Variants in SPRING1 observed in about 807,000 individuals in gnomAD.
The protein encoded by SPRING1 is SREBF pathway regulator in golgi 1, also known as SREBP regulating gene protein.
A neutral mutation model predicts 24.7 loss-of-function variants in SPRING1; 14 were observed. That is an observed-to-expected ratio of 0.57 (90% CI 0.37 to 0.88). SPRING1 has a LOEUF of 0.88. SPRING1 is among the 40% of genes least tolerant of loss of function. The pLI is 0.00. For missense variants in SPRING1, 255 were observed against 268.4 expected (o/e 0.95, Z 0.35); for synonymous variants, 93 against 106.1 (o/e 0.88, Z 0.76).
chr12:116,727,538 C>T (rs1217679458), intron 1 of SPRING1, among the ~76,000 whole-genome samples: 2 of 151,906 alleles, frequency 1.3e-5, no homozygotes, highest in Non-Finnish European at 2.9e-5. Context: ...CAGTAAAGCA[C>T]GGAAACATAA....
intron 1 of SPRING1, among the ~76,000 whole-genome samples, chr12:116,724,057 C>T (rs894264930): frequency 3.3e-5 from 5 of 151,980 alleles, no homozygotes; most frequent in African/African-American, 4.8e-5. Context: ...GAGCTTGAGA[C>T]GGCCTCTTCT....
chr12:116,727,855 A>T (rs1364886808), intron 1 of SPRING1, among the ~76,000 whole-genome samples: 1 of 152,174 alleles, frequency 6.6e-6, no homozygotes, highest in African/African-American at 2.4e-5. Flanking sequence ...TACCCTGTGC[A>T]ATACGAGACA....
rs745539360 is a variant in SPRING1, at chr12:116,720,415, T to G, written c.301A>C (p.Asn101His). The G allele has an allele frequency of 6.2e-7, 1 of 1,614,102 alleles. No homozygotes were observed. Among genetic ancestry groups the G allele is most frequent in the South Asian group, 1.1e-5 (1 of 91,074 alleles). Residue 101 changes from asparagine (N) to histidine (H), a missense_variant, in exon 3 of 5, where the codon AAT (asparagine) becomes CAT (histidine). By Grantham distance (68) the Asn-to-His change is moderately conservative (BLOSUM62 1). Coordinates refer to ENST00000261318, the MANE Select transcript of SPRING1 (RefSeq NM_024738.4). This position sits in a 1 kb window ranked among gnomAD's most constrained non-coding sequence, Gnocchi z 4.0. Reference sequence around the variant, plus strand: ...GGGACGTTGACATTACAGCAGCCATTTACCAGCAAATCCTTCCTCTCGCAA... The same window carrying G: ...GGGACGTTGACATTACAGCAGCCATGTACCAGCAAATCCTTCCTCTCGCAA... ...YVCERKDLLV[N>H]GCCNVNVPST... is the part of the protein sequence containing the mutation.
chr12:116,729,259 T>C (rs1171764108), intron 1 of SPRING1, among the ~76,000 whole-genome samples: 1 of 152,182 alleles, frequency 6.6e-6, no homozygotes, highest in East Asian at 1.9e-4. Flanking sequence ...CACACAAATG[T>C]GTAATTGGAA....
chr12:116,734,703 G>A (rs1313518639), intron 1 of SPRING1, among the ~76,000 whole-genome samples: 1 of 152,146 alleles, frequency 6.6e-6, no homozygotes, highest in African/African-American at 2.4e-5. Context: ...GCAAGTAAAT[G>A]AACAAGAAAT....
chr12:116,713,815 C>G lies in SPRING1; in HGVS notation c.*3995G>C, dbSNP rs1295968857. 1 of 152,156 alleles carries G rather than the reference C, an allele frequency of 6.6e-6. No homozygotes were observed. The highest frequency in any genetic ancestry group is 2.4e-5 in the African/African-American group (1 of 41,432). The allele number at this position is 152,156 out of a possible 1,614,324, so 9.4% of individuals were successfully genotyped here. On this transcript the variant is annotated 3_prime_UTR_variant, in exon 5 of 5. Transcript: ENST00000261318. ...AATTGTTTTTCAAGAGGACAAAGTA[C>G]TTTCATTTTTGCCTAGAAAATGGGG...
At position 116,728,815 on chromosome 12, in the gene SPRING1, AG is replaced by A. The variant is rs1870832395; in HGVS notation, c.112-5593del. Among the ~76,000 whole-genome samples, 1 of 152,232 alleles carries A rather than the reference AG, an allele frequency of 6.6e-6. No individual in the cohort carries two copies. Among genetic ancestry groups the A allele is most frequent in the Non-Finnish European group, 1.5e-5 (1 of 68,040 alleles). ...GTGGAAGACCACCCAAACTGAGGCC[AG>A]CTGAGCAGGGACGGCCAAGTCAGAC... On this transcript the variant is annotated intron_variant, in intron 1 of 4. Transcript: ENST00000261318. The surrounding 1 kb of genome is among the most constrained non-coding windows in gnomAD (Gnocchi z 4.2).
rs1223089871 is a variant in SPRING1, at chr12:116,728,891, G to A, written c.112-5668C>T. ...GCACCCAGGACAGCGGGGCTCAAAAGCCTTTGGTCCTGGAACCCTTTCTAA... is the reference window on the plus strand; with the variant it reads ...GCACCCAGGACAGCGGGGCTCAAAAACCTTTGGTCCTGGAACCCTTTCTAA... On this transcript the variant is annotated intron_variant, in intron 1 of 4. Coordinates refer to ENST00000261318, the MANE Select transcript of SPRING1 (RefSeq NM_024738.4). This position sits in a 1 kb window ranked among gnomAD's most constrained non-coding sequence, Gnocchi z 4.2. Among the ~76,000 whole-genome samples, 1 of 152,190 alleles carries A rather than the reference G, an allele frequency of 6.6e-6. No homozygotes were observed. Among genetic ancestry groups the A allele is most frequent in the African/African-American group, 2.4e-5 (1 of 41,450 alleles).
rs1341560816 is a variant in SPRING1 at position 116,711,063 on chromosome 12, AG to A, written c.*6746del. The A allele has an allele frequency of 6.6e-6, 1 of 150,522 alleles. No individual in the cohort carries two copies. Among genetic ancestry groups the A allele is most frequent in the Non-Finnish European group, 1.5e-5 (1 of 67,674 alleles). The allele number at this position is 150,522 out of a possible 1,614,324, so 9.3% of individuals were successfully genotyped here. On this transcript the variant is annotated 3_prime_UTR_variant, in exon 5 of 5. Transcript: ENST00000261318. ...GAGCCAATGTATGGAAACATCCCTG[AG>A]AATATATAATGTCATCACATTTACT... is the stretch of plus-strand genomic sequence containing the variant.
At chr12:116,722,993 A>C in intron 2 of SPRING1, 74 bp downstream of exon 2, 1 of 1,578,846 alleles carries the variant, frequency 6.3e-7, no homozygotes, top group East Asian at 2.2e-5. Flanking sequence ...ATCCCTATTC[A>C]AACAAAAACC....
intron 1 of SPRING1, among the ~76,000 whole-genome samples, chr12:116,726,191 A>T (rs1870677478): frequency 6.6e-6 from 1 of 152,204 alleles, no homozygotes; most frequent in African/African-American, 2.4e-5. Context: ...CATTTAGTAA[A>T]CACATCCTCT....
At chr12:116,725,238 A>T (rs1043648955) in intron 1 of SPRING1, among the ~76,000 whole-genome samples, 23 of 152,222 alleles carry the variant, frequency 1.5e-4, no homozygotes, top group African/African-American at 5.5e-4. Context: ...TCTAAGTAGC[A>T]TGGTGCAACC....
intron 4 of SPRING1, 116 bp from the exon 5 acceptor site, chr12:116,718,009 C>G: frequency 1.3e-6 from 1 of 797,888 alleles, no homozygotes; most frequent in African/African-American, 1.8e-5. Flanking sequence ...GGGGGCTGGC[C>G]GAGTCCATCT....
At chr12:116,726,383 G>A (rs1043243680) in intron 1 of SPRING1, among the ~76,000 whole-genome samples, 3 of 152,166 alleles carry the variant, frequency 2.0e-5, no homozygotes, top group African/African-American at 7.2e-5. Flanking sequence ...TTTACAATTT[G>A]ACCACAACCC....
At chr12:116,733,868 C>T (rs1033256661) in intron 1 of SPRING1, among the ~76,000 whole-genome samples, 1 of 151,994 alleles carries the variant, frequency 6.6e-6, no homozygotes, top group Non-Finnish European at 1.5e-5. Flanking sequence ...TCTTTATGGG[C>T]GTACCATTTT....
chr12:116,736,700 T>A (rs1871236354), intron 1 of SPRING1, among the ~76,000 whole-genome samples: 1 of 152,206 alleles, frequency 6.6e-6, no homozygotes, highest in South Asian at 2.1e-4. Flanking sequence ...TCTACACAAC[T>A]AAGCACTCAA....
At chr12:116,719,977 G>A in intron 3 of SPRING1, 101 bp from the exon 4 acceptor site, 2 of 1,048,682 alleles carry the variant, frequency 1.9e-6, no homozygotes, top group East Asian at 2.5e-5. Context: ...TACAGGGAAG[G>A]GGGGAAGAGG....
intron 1 of SPRING1, 78 bp downstream of exon 1, chr12:116,737,708 CGAAG>C (rs940600770): frequency 7.5e-6 from 10 of 1,338,668 alleles, no homozygotes; most frequent in African/African-American, 3.5e-5. Flanking sequence ...AGGAAGGTAA[CGAAG>C]GAAGGAAGGA....
At chr12:116,721,991 C>T (rs1046624380) in intron 2 of SPRING1, among the ~76,000 whole-genome samples, 3 of 152,190 alleles carry the variant, frequency 2.0e-5, no homozygotes, top group Non-Finnish European at 4.4e-5. Flanking sequence ...CAAACGTTAT[C>T]TCCAACAAGG....
Sources: gnomAD v4.1 joint callset for allele counts (sites outside exome capture counted in the v4.1 genomes callset) on GRCh38, gnomAD v4.1.1 for gene constraint, Gnocchi (gnomAD v3.1) non-coding constraint, MANE v1.5 for transcripts, NCBI Gene and HGNC (gene_info 2026-07-23, HGNC 2026-07-21) for gene names.